The following STK33 variants were observed in gnomAD, a reference collection of about 807,000 sequenced individuals.
STK33 encodes serine/threonine kinase 33, also known as serine/threonine-protein kinase 33.
Under a neutral mutation model 58.0 loss-of-function variants are expected in STK33, and 52 were observed. That is an observed-to-expected ratio of 0.90 (90% CI 0.72 to 1.13). STK33 has a LOEUF of 1.13. STK33 is among the 50% of genes most tolerant of loss of function. The pLI, the probability that STK33 is intolerant of heterozygous loss-of-function variation, is 0.00. For missense variants in STK33, 630 were observed against 604.2 expected (o/e 1.04, Z -0.45); for synonymous variants, 215 against 200.1 (o/e 1.07, Z -0.63).
downstream of STK33, among the ~76,000 whole-genome samples, chr11:8,391,463 G>A (rs534349565): frequency 3.3e-5 from 5 of 152,280 alleles, no homozygotes; most frequent in South Asian, 2.1e-4. Flanking sequence ...AGAAGCACAC[G>A]TACTATTTTT....
At chr11:8,568,161 A>G (rs1957570563) in intron 1 of STK33, among the ~76,000 whole-genome samples, 1 of 152,206 alleles carries the variant, frequency 6.6e-6, no homozygotes, top group South Asian at 2.1e-4. Context: ...TGATCACTAA[A>G]TAAAATACAG....
intron 1 of STK33, among the ~76,000 whole-genome samples, chr11:8,546,120 C>T (rs757850723): frequency 2.6e-5 from 4 of 152,150 alleles, no homozygotes; most frequent in African/African-American, 4.8e-5. Flanking sequence ...GCGCTTACCA[C>T]GAATGCAGCT....
At chr11:8,365,314 G>A in the STK33 span, among the ~76,000 whole-genome samples, 2 of 152,104 alleles carry the variant, frequency 1.3e-5, no homozygotes, top group Admixed American at 1.3e-4. Context: ...CCTCATGAGG[G>A]GGCTAGGAAG....
chr11:8,342,921 G>A, the STK33 span, among the ~76,000 whole-genome samples: 1 of 152,234 alleles, frequency 6.6e-6, no homozygotes, highest in African/African-American at 2.4e-5. Context: ...GGGAAAGTGC[G>A]ATGAGCCAGG....
At chr11:8,443,248 C>A (rs970075437) in intron 11 of STK33, among the ~76,000 whole-genome samples, 1 of 152,168 alleles carries the variant, frequency 6.6e-6, no homozygotes, top group Admixed American at 6.5e-5. Context: ...AAAAATATCA[C>A]ATTTCATTTA....
chr11:8,352,772 C>T, the STK33 span, among the ~76,000 whole-genome samples: 3 of 152,144 alleles, frequency 2.0e-5, no homozygotes, highest in East Asian at 1.9e-4. Context: ...ATCATCAAGG[C>T]GTAATGAGTT....
intron 14 of STK33, among the ~76,000 whole-genome samples, chr11:8,425,863 G>A (rs1036008762): frequency 1.3e-5 from 2 of 152,050 alleles, no homozygotes; most frequent in African/African-American, 4.8e-5. Flanking sequence ...CTTCTTCTGT[G>A]TCCCGCGGCT....
chr11:8,377,627 C>G, the STK33 span, among the ~76,000 whole-genome samples: 3 of 152,108 alleles, frequency 2.0e-5, no homozygotes, highest in African/African-American at 7.2e-5. Flanking sequence ...CTAGAGCAAT[C>G]AGGCAAGAGA....
chr11:8,472,896 C>T (rs886078944), intron 6 of STK33, among the ~76,000 whole-genome samples: 9 of 152,164 alleles, frequency 5.9e-5, no homozygotes, highest in South Asian at 4.1e-4. Context: ...CTTTCAGCAA[C>T]GGCCAAGACC....
chr11:8,350,360 A>G, the STK33 span, among the ~76,000 whole-genome samples: 8 of 152,192 alleles, frequency 5.3e-5, no homozygotes, highest in African/African-American at 1.4e-4. Flanking sequence ...AAGAGCTCAA[A>G]GTGCACCCGA....
intron 1 of STK33, among the ~76,000 whole-genome samples, chr11:8,576,217 G>A (rs983134740): frequency 1.3e-5 from 2 of 152,054 alleles, no homozygotes; most frequent in African/African-American, 4.8e-5. Context: ...TCTCACCACC[G>A]CCACTGCACC....
chr11:8,343,088 C>G, the STK33 span, among the ~76,000 whole-genome samples: 1 of 152,232 alleles, frequency 6.6e-6, no homozygotes, highest in Admixed American at 6.5e-5. Flanking sequence ...CTATAGGGCT[C>G]CAGGGCCCTG....
intron 15 of STK33, among the ~76,000 whole-genome samples, chr11:8,398,885 G>A (rs944334154): frequency 6.6e-6 from 1 of 152,004 alleles, no homozygotes; most frequent in Non-Finnish European, 1.5e-5. Context: ...ATTACTTAAT[G>A]GTAAAGGGAT....
At chr11:8,400,962 T>C (rs1937782124) in intron 15 of STK33, among the ~76,000 whole-genome samples, 2 of 151,938 alleles carry the variant, frequency 1.3e-5, no homozygotes, top group Admixed American at 1.3e-4. Flanking sequence ...CTCAATGAAA[T>C]AAAAGAGGAT....
the STK33 span, among the ~76,000 whole-genome samples, chr11:8,343,244 G>T: frequency 1.3e-5 from 2 of 152,256 alleles, no homozygotes; most frequent in Non-Finnish European, 2.9e-5. Flanking sequence ...GTGCCCTGGG[G>T]CAGGAAGCCA....
At chr11:8,574,145 T>C (rs976748249) in intron 1 of STK33, among the ~76,000 whole-genome samples, 2 of 152,184 alleles carry the variant, frequency 1.3e-5, no homozygotes, top group African/African-American at 2.4e-5. Context: ...CACTTAGAGA[T>C]GGAGCTAATA....
chr11:8,516,377 A>G (rs72853445), intron 1 of STK33, among the ~76,000 whole-genome samples: 466 of 152,348 alleles, frequency 3.1e-3, no homozygotes, highest in Non-Finnish European at 5.3e-3. Flanking sequence ...AACTGGGGGC[A>G]GATTCCTAGA....
intron 1 of STK33, among the ~76,000 whole-genome samples, chr11:8,501,814 T>C (rs184423514): frequency 6.6e-6 from 1 of 152,238 alleles, no homozygotes; most frequent in Admixed American, 6.5e-5. Flanking sequence ...AAAATGCCCA[T>C]CAGCTGATGA....
At chr11:8,396,029 C>T (rs934260863) in intron 15 of STK33, among the ~76,000 whole-genome samples, 10 of 152,130 alleles carry the variant, frequency 6.6e-5, no homozygotes, top group Admixed American at 1.3e-4. Context: ...CTGGCTACCC[C>T]GAAACAAATC....
Sources: allele counts gnomAD v4.1 joint callset (sites outside exome capture counted in the v4.1 genomes callset), GRCh38; gene constraint gnomAD v4.1.1; transcripts MANE v1.5; gene names NCBI Gene and HGNC (gene_info 2026-07-23, HGNC 2026-07-21).